The following SLC25A44 variants were observed in gnomAD, a reference collection of about 807,000 sequenced individuals.
SLC25A44 encodes solute carrier family 25 member 44.
A neutral mutation model predicts 29.9 loss-of-function variants in SLC25A44; 17 were observed. The ratio of observed to expected loss-of-function variants is 0.57; its 90% CI spans 0.39 to 0.85. SLC25A44 has a LOEUF of 0.85. Ranked by LOEUF, SLC25A44 falls within the 40% of genes least tolerant of loss-of-function variation. The probability of loss-of-function intolerance (pLI) is 0.00; values close to 1 mark genes in which losing one functional copy is unlikely to be tolerated. For synonymous variants in SLC25A44, 140 were observed against 151.8 expected (o/e 0.92, Z 0.57); for missense variants, 302 against 398.4 (o/e 0.76, Z 2.06).
rs752584811 is a variant in SLC25A44 at position 156,199,973 on chromosome 1, C to T, written c.126C>T (p.Arg42=). 1.2e-5 allele frequency: 20 copies of T among 1,614,190 alleles called. No individual in the cohort carries two copies. The highest frequency in any genetic ancestry group is 3.3e-5 in the South Asian group (3 of 91,074). The change falls in exon 2 of 4, where the codon CGC becomes CGT. Residue 42 remains arginine, a synonymous_variant. Transcript: ENST00000359511. ...GTGTCTACCCATTCACCCTCATCCG[C>T]ACCCGGTTGCAAGTTCAGAAGGGGA... The part of the protein sequence containing the change: ...RVSVYPFTLI[R]TRLQVQKGKS...
chr1:156,199,846 C>A lies in SLC25A44; in HGVS notation c.-2C>A. The A allele has an allele frequency of 6.2e-7, 1 of 1,611,488 alleles. No individual in the cohort carries two copies. The highest frequency in any genetic ancestry group is 8.5e-7 in the Non-Finnish European group (1 of 1,178,378). On this transcript the variant is annotated 5_prime_UTR_variant, in exon 2 of 4. Transcript: ENST00000359511. ...TGCTCAAATCCCAGGTCTTCAGGCACCATGGAGGACAAACGCAACATCCAG... is the reference window on the plus strand; with the variant it reads ...TGCTCAAATCCCAGGTCTTCAGGCAACATGGAGGACAAACGCAACATCCAG...
Position 156,210,462 on chromosome 1 carries a change from C to G in SLC25A44, c.*31C>G. On this transcript the variant is annotated 3_prime_UTR_variant, in exon 4 of 4. Coordinates refer to ENST00000359511, the MANE Select transcript of SLC25A44 (RefSeq NM_014655.4). ...GGTGGGGAGAGAAGCCTGCTGTTTT[C>G]CACACTACCGTGGGTCAGGGGCAGA... 1 of 1,509,776 alleles carries G rather than the reference C, an allele frequency of 6.6e-7. No homozygotes were observed. Among genetic ancestry groups the G allele is most frequent in the Non-Finnish European group, 8.9e-7 (1 of 1,119,486 alleles). 93.5% of individuals were successfully genotyped at this position (1,509,776 alleles called of 1,614,324 possible).
chr1:156,195,104 A>ATT (rs1191256706), intron 1 of SLC25A44, among the ~76,000 whole-genome samples: 44 of 136,792 alleles, frequency 3.2e-4, no homozygotes, highest in East Asian at 6.3e-4. Context: ...CTACAGCTCT[A>ATT]TTTTTTTTTT....
chr1:156,196,691 A>T (rs929718606), intron 1 of SLC25A44: 3 of 152,174 alleles, frequency 2.0e-5, no homozygotes, highest in Admixed American at 2.0e-4. Flanking sequence ...TGACAACGTG[A>T]CTGCCAGCCA....
rs1331923791 is a variant in SLC25A44 at position 156,194,175 on chromosome 1, C to T, written c.-86C>T. On this transcript the variant is annotated 5_prime_UTR_variant, in exon 1 of 4. Transcript: ENST00000359511. The stretch of plus-strand genomic sequence containing the variant: ...GCATTCGCTGGGAACGACGGATAGA[C>T]TGGGGGCTGCGGCCTAGAGGTCCGG... The T allele has an allele frequency of 6.5e-6, 1 of 152,860 alleles. No individual in the cohort carries two copies. The highest frequency in any genetic ancestry group is 2.4e-5 in the African/African-American group (1 of 41,460). 9.5% of individuals were successfully genotyped at this position (152,860 alleles called of 1,614,324 possible). A position where few individuals can be genotyped will look rare whatever the true frequency, so the allele number is the denominator to read the frequency against.
intron 3 of SLC25A44, among the ~76,000 whole-genome samples, chr1:156,209,623 C>T (rs1657167321): frequency 6.6e-6 from 1 of 152,024 alleles, no homozygotes; most frequent in Non-Finnish European, 1.5e-5. Flanking sequence ...CTTGGCCAGG[C>T]TTTCAGTGTG....
At chr1:156,203,699 C>CTTTTTTTTTTTTT (rs56890643) in intron 2 of SLC25A44, among the ~76,000 whole-genome samples, 1 of 106,782 alleles carries the variant, frequency 9.4e-6, no homozygotes, top group African/African-American at 4.1e-5. Context: ...ATTCTCTTTC[C>CTTTTTTTTTTTTT]TTTTTTTTTT....
rs1656468234 is a variant in SLC25A44 at position 156,200,159 on chromosome 1, C to T, written c.312C>T (p.Tyr104=). Residue 104 remains tyrosine, a synonymous_variant, in exon 2 of 4, where the codon TAC becomes TAT. Transcript: ENST00000359511. ...TCACCCGGAAGTTTGTAGCTGACTA[C>T]AGCCAGAGTAACACAGTCAAATCAC... ...YELTRKFVAD[Y]SQSNTVKSLV... 6.2e-7 allele frequency: 1 copy of T among 1,614,200 alleles called. No individual in the cohort carries two copies. The highest frequency in any genetic ancestry group is 1.1e-5 in the South Asian group (1 of 91,084).
At chr1:156,202,811 T>C (rs1270587874) in intron 2 of SLC25A44, among the ~76,000 whole-genome samples, 2 of 152,232 alleles carry the variant, frequency 1.3e-5, no homozygotes, top group Non-Finnish European at 2.9e-5. Context: ...GCCAGGGCTC[T>C]GTGTGAGGGC....
chr1:156,199,707 C>T (rs1229498643), intron 1 of SLC25A44, 128 bp from the exon 2 acceptor site: 6 of 729,092 alleles, frequency 8.2e-6, no homozygotes, highest in Admixed American at 2.8e-5. Flanking sequence ...TGGGTGGAGT[C>T]CAAGCTTTGG....
Position 156,212,769 on chromosome 1 carries a change from T to C in SLC25A44, c.*2338T>C. On this transcript the variant is annotated 3_prime_UTR_variant, in exon 4 of 4. Coordinates refer to ENST00000359511, the MANE Select transcript of SLC25A44 (RefSeq NM_014655.4). ...TGCACTGTACGAAGTCTCTGAAATG[T>C]AATTAAAAGTTTTTATTGAGCCCCC... 1 of 548,700 alleles carries C rather than the reference T, an allele frequency of 1.8e-6. No homozygotes were observed. The highest frequency in any genetic ancestry group is 2.1e-5 in the South Asian group (1 of 47,376). 34.0% of individuals were successfully genotyped at this position (548,700 alleles called of 1,614,324 possible).
chr1:156,202,436 T>C (rs1230566835), intron 2 of SLC25A44, among the ~76,000 whole-genome samples: 1 of 152,210 alleles, frequency 6.6e-6, no homozygotes, highest in Non-Finnish European at 1.5e-5. Flanking sequence ...GCTTCTCCCC[T>C]AGGTATAGGC....
At chr1:156,194,786 T>C (rs1279339499) in intron 1 of SLC25A44, among the ~76,000 whole-genome samples, 1 of 152,224 alleles carries the variant, frequency 6.6e-6, no homozygotes, top group Admixed American at 6.5e-5. Flanking sequence ...ATGGAGGATG[T>C]TGGTCTCTAT....
In SLC25A44 at chr1:156,212,347, T is replaced by TA. The variant is rs1657389343; in HGVS notation, c.*1916_*1917insA. On this transcript the variant is annotated 3_prime_UTR_variant, in exon 4 of 4. Coordinates refer to ENST00000359511, the MANE Select transcript of SLC25A44 (RefSeq NM_014655.4). The stretch of plus-strand genomic sequence containing the variant: ...GTGTCACGGACAGGAGGTAGGATCC[T>TA]GCCGCTCGCGTCTTAGTGTTTCTCC... 6.6e-6 allele frequency: 1 copy of TA among 152,426 alleles called. No homozygotes were observed. Among genetic ancestry groups the TA allele is most frequent in the Admixed American group, 6.5e-5 (1 of 15,284 alleles). 9.4% of individuals were successfully genotyped at this position (152,426 alleles called of 1,614,324 possible). A position where few individuals can be genotyped will look rare whatever the true frequency, so the allele number is the denominator to read the frequency against.
chr1:156,207,302 T>C (rs1053964227), intron 2 of SLC25A44, among the ~76,000 whole-genome samples: 3 of 151,720 alleles, frequency 2.0e-5, no homozygotes, highest in Middle Eastern at 6.8e-3. Flanking sequence ...CTCAGCCTCC[T>C]GAGTAGCTGG....
chr1:156,199,806 C>T lies in SLC25A44; in HGVS notation c.-13-29C>T, dbSNP rs753652944. On this transcript the variant is annotated intron_variant, in intron 1 of 3. Coordinates refer to ENST00000359511, the MANE Select transcript of SLC25A44 (RefSeq NM_014655.4). ...AGCACAAAGCTCCACCCTCCTTCTTCACATCCCTCCATACTGCTCAAATCC... is the reference window on the plus strand; with the variant it reads ...AGCACAAAGCTCCACCCTCCTTCTTTACATCCCTCCATACTGCTCAAATCC... 14 of 1,575,178 alleles carry T rather than the reference C, an allele frequency of 8.9e-6. 1 individual carries two copies. The South Asian group carries it at 1.5e-4, about 17-fold the overall frequency.
chr1:156,201,202 A>G (rs981838961), intron 2 of SLC25A44, among the ~76,000 whole-genome samples: 2 of 152,110 alleles, frequency 1.3e-5, no homozygotes, highest in Non-Finnish European at 2.9e-5. Flanking sequence ...TGTTCATAAG[A>G]CATTTTACTT....
chr1:156,203,637 A>G (rs1558179685), intron 2 of SLC25A44, among the ~76,000 whole-genome samples: 1 of 151,600 alleles, frequency 6.6e-6, no homozygotes, highest in African/African-American at 2.4e-5. Context: ...TGACTAATGG[A>G]GAAAAATGAA....
rs1043338686 is a variant in SLC25A44, at chr1:156,211,029, G to A, written c.*598G>A. On this transcript the variant is annotated 3_prime_UTR_variant, in exon 4 of 4. Transcript: ENST00000359511. ...GTCCTCTCTTTGGAGGGGTTATTAG[G>A]TTGGGAGAAATGTTGATACTTTTGT... 5 of 151,216 alleles carry A rather than the reference G, an allele frequency of 3.3e-5. No homozygotes were observed. The highest frequency in any genetic ancestry group is 1.2e-4 in the African/African-American group (5 of 40,564). 9.4% of individuals were successfully genotyped at this position (151,216 alleles called of 1,614,324 possible).
Sources: allele counts gnomAD v4.1 joint callset (sites outside exome capture counted in the v4.1 genomes callset), GRCh38; gene constraint gnomAD v4.1.1; transcripts MANE v1.5; gene names NCBI Gene and HGNC (gene_info 2026-07-23, HGNC 2026-07-21).